TACC2: variants seen among roughly 807,000 people sequenced by gnomAD.
TACC2 encodes transforming acidic coiled-coil containing protein 2.
Under a neutral mutation model 227.3 loss-of-function variants are expected in TACC2, and 137 were observed. The ratio of observed to expected loss-of-function variants is 0.60; its 90% confidence interval spans 0.52 to 0.69. TACC2 has a LOEUF of 0.69. Ranked by LOEUF, TACC2 falls within the 30% of genes least tolerant of loss-of-function variation. TACC2 has a pLI of 0.00. For missense variants in TACC2, 3,470 were observed against 3,694.4 expected, an observed-to-expected ratio of 0.94 and a Z score of 1.57; for synonymous variants, 1,523 against 1,487.5, an observed-to-expected ratio of 1.02 and a Z score of -0.55.
chr10:122,068,828 AT>A (rs1382798384), intron 3 of TACC2, among the ~76,000 whole-genome samples: 1 of 141,036 alleles, frequency 7.1e-6, no homozygotes, highest in Middle Eastern at 3.9e-3. Flanking sequence ...CACACCTGGC[AT>A]TTTTCTGTCT....
rs554079517 is a variant in TACC2, at chr10:122,086,880, C to T, written c.4380C>T (p.Val1460=). ...TAGATGGGCCTCCAGGAGTGGATGT[C>T]ACCCTTCTCCCTGCACCTCCTGCTC... ...KLLDGPPGVD[V]TLLPAPPARL... is the part of the protein sequence containing the mutation. The change falls in exon 4 of 23, where the codon GTC becomes GTT. Residue 1460 remains valine (V), a synonymous_variant. Coordinates refer to ENST00000369005, the MANE Select transcript of TACC2 (RefSeq NM_206862.4). The T allele has an allele frequency of 1.4e-5, 22 of 1,613,958 alleles. No homozygotes were observed. The highest frequency in any genetic ancestry group is 1.6e-4 in the Middle Eastern group (1 of 6,062).
chr10:122,097,329 C>A (rs2081560047), intron 5 of TACC2, among the ~76,000 whole-genome samples: 1 of 151,716 alleles, frequency 6.6e-6, no homozygotes, highest in African/African-American at 2.4e-5. Context: ...GAGTGAGGTA[C>A]TGTCTCAAAG....
At chr10:122,232,514 T>C (rs1414943371) in intron 16 of TACC2, among the ~76,000 whole-genome samples, 1 of 152,236 alleles carries the variant, frequency 6.6e-6, no homozygotes, top group East Asian at 1.9e-4. Context: ...GTGTTCATAG[T>C]ATATAGGTCG....
intron 19 of TACC2, 95 bp downstream of exon 19, chr10:122,242,096 G>T: frequency 8.4e-7 from 1 of 1,184,442 alleles, no homozygotes; most frequent in Non-Finnish European, 1.3e-6. Context: ...TGGGTTTCTG[G>T]TAGAGCGTGA....
Position 122,137,048 on chromosome 10 carries a change from T to G in TACC2, c.5699+4314T>G, listed in dbSNP as rs889813633. 2.0e-5 allele frequency among the ~76,000 whole-genome samples: 3 copies of G among 152,050 alleles called. No homozygotes were observed. In the East Asian group the frequency reaches 5.8e-4, roughly 29 times the overall value. On this transcript the variant is annotated intron_variant, in intron 6 of 22. Transcript: ENST00000369005. ...AGCGGAAAAAGAAGGCACCTCTATC[T>G]CTAAGGTATTTCTCAAATAAAATGA...
At chr10:122,000,611 T>G (rs2135061599) in intron 1 of TACC2, among the ~76,000 whole-genome samples, 1 of 152,268 alleles carries the variant, frequency 6.6e-6, no homozygotes, top group South Asian at 2.1e-4. Context: ...CTTTTCTTTC[T>G]TAATATTTTA....
chr10:122,119,961 T>C (rs974326110), intron 5 of TACC2, among the ~76,000 whole-genome samples: 2 of 151,936 alleles, frequency 1.3e-5, no homozygotes, highest in Non-Finnish European at 1.5e-5. Context: ...AGGAAGAACA[T>C]TGGCTGCCGG....
intron 7 of TACC2, among the ~76,000 whole-genome samples, chr10:122,176,697 G>C (rs1183511984): frequency 6.6e-6 from 1 of 152,214 alleles, no homozygotes; most frequent in East Asian, 1.9e-4. Context: ...GTCACAGCAA[G>C]TCAGCAAATG....
rs34851206 is a variant in TACC2, at chr10:122,015,780, A to AGG, written c.-45-6153_-45-6152dup. ...GGCAGGAGAATCACTTGAACCCGGG[A>AGG]GGGGGAGGTTGCAGTGAGCCGAGAT... On this transcript the variant is annotated intron_variant, in intron 1 of 22. Transcript: ENST00000369005. Among the ~76,000 whole-genome samples, 3 of 151,192 alleles carry AGG rather than the reference A, an allele frequency of 2.0e-5. No homozygotes were observed. In the East Asian group the frequency reaches 6.0e-4, roughly 30 times the overall value.
rs2095259000 is a variant in TACC2 at position 122,210,286 on chromosome 10, G to A, written c.5972-111G>A. 1 of 833,000 alleles carries A rather than the reference G, an allele frequency of 1.2e-6. No homozygotes were observed. The highest frequency in any genetic ancestry group is 2.0e-6 in the Non-Finnish European group (1 of 501,248). 51.6% of individuals were successfully genotyped at this position (833,000 alleles called of 1,614,324 possible). On this transcript the variant is annotated intron_variant, in intron 8 of 22. Transcript: ENST00000369005. The surrounding 1 kb of genome is among the most constrained non-coding windows in gnomAD (Gnocchi z 4.6). ...ACACAGTGATGGGCGGGGTGGCCTG[G>A]GGCCGTGGTTTGTCAACCCCTACGC...
chr10:122,182,237 G>C (rs2093994364), intron 7 of TACC2, among the ~76,000 whole-genome samples: 1 of 152,210 alleles, frequency 6.6e-6, no homozygotes, highest in Non-Finnish European at 1.5e-5. Flanking sequence ...AGGACCCTGA[G>C]AACTATCAAT....
rs201912981 is a variant in TACC2, at chr10:122,083,526, G to T, written c.1026G>T (p.Pro342=). ...AGCAGCCAGTGGGAGCATATCTGCC[G>T]CACGCAGAGCTGCCCTGGGGCTTGC... ...SCQQPVGAYL[P]HAELPWGLPS... The change falls in exon 4 of 23, where the codon CCG becomes CCT. Residue 342 remains proline, a synonymous_variant. Coordinates refer to ENST00000369005, the MANE Select transcript of TACC2 (RefSeq NM_206862.4). The T allele has an allele frequency of 3.1e-6, 5 of 1,613,032 alleles. No individual in the cohort carries two copies. Among genetic ancestry groups the T allele is most frequent in the Admixed American group, 3.3e-5 (2 of 60,000 alleles).
At chr10:122,124,289 T>C (rs1322299869) in intron 5 of TACC2, among the ~76,000 whole-genome samples, 3 of 152,176 alleles carry the variant, frequency 2.0e-5, no homozygotes, top group Non-Finnish European at 4.4e-5. Flanking sequence ...ATGAAGCCTC[T>C]GGAACAACTA....
At chr10:122,242,816 T>A (rs1239289415) in intron 19 of TACC2, among the ~76,000 whole-genome samples, 2 of 152,166 alleles carry the variant, frequency 1.3e-5, no homozygotes, top group African/African-American at 4.8e-5. Flanking sequence ...TTTGTTTGTT[T>A]TGGGATGGGG....
intron 2 of TACC2, among the ~76,000 whole-genome samples, chr10:122,028,826 C>CCTTTCCCTCCTCTCCCCTCG (rs1958471392): frequency 2.3e-5 from 1 of 43,910 alleles, no homozygotes; most frequent in Non-Finnish European, 3.9e-5. Context: ...CTGTTCCCTT[C>CCTTTCCCTCCTCTCCCCTCG]CCTTCCCTCC....
intron 7 of TACC2, among the ~76,000 whole-genome samples, chr10:122,166,599 A>G (rs2093175471): frequency 1.3e-5 from 2 of 152,148 alleles, no homozygotes; most frequent in Non-Finnish European, 1.5e-5. Flanking sequence ...CTTGCTAGAA[A>G]CGCAGAGCCT....
chr10:122,208,127 G>A (rs1156983771), intron 8 of TACC2, among the ~76,000 whole-genome samples: 1 of 152,182 alleles, frequency 6.6e-6, no homozygotes, highest in African/African-American at 2.4e-5. Flanking sequence ...GGAGTGTTTG[G>A]AGAAACCGTT....
At chr10:122,164,012 C>A (rs916015846) in intron 7 of TACC2, 2 of 1,567,652 alleles carry the variant, frequency 1.3e-6, no homozygotes, top group African/African-American at 2.7e-5. Flanking sequence ...CCGCCCGGGC[C>A]GCCCCGAGTC....
At chr10:122,118,486 G>T (rs1286362671) in intron 5 of TACC2, among the ~76,000 whole-genome samples, 2 of 152,158 alleles carry the variant, frequency 1.3e-5, no homozygotes, top group Admixed American at 1.3e-4. Flanking sequence ...TCAGTACCTT[G>T]TATTGTGTTT....
Sources: allele counts gnomAD v4.1 joint callset (sites outside exome capture counted in the v4.1 genomes callset), GRCh38; gene constraint gnomAD v4.1.1; non-coding constraint Gnocchi (gnomAD v3.1); transcripts MANE v1.5; gene names NCBI Gene and HGNC (gene_info 2026-07-23, HGNC 2026-07-21).